ENOX1: variants seen among roughly 807,000 people sequenced by gnomAD.
ENOX1 encodes the protein candidate growth-related and time keeping constitutive hydroquinone (NADH) oxidase.
Under a neutral mutation model 82.5 loss-of-function variants are expected in ENOX1, and 42 were observed. The observed-to-expected ratio is 0.51, with a 90% confidence interval of 0.40 to 0.66. ENOX1 has a LOEUF of 0.66. ENOX1 is among the 30% of genes least tolerant of loss of function. The pLI, the probability that ENOX1 is intolerant of heterozygous loss-of-function variation, is 0.00. For synonymous variants in ENOX1, 271 were observed against 282.2 expected, an observed-to-expected ratio of 0.96 and a Z score of 0.40; for missense variants, 608 against 811.6, an observed-to-expected ratio of 0.75 and a Z score of 3.05.
intron 12 of ENOX1, among the ~76,000 whole-genome samples, chr13:43,295,021 T>G (rs1479081344): frequency 6.6e-6 from 1 of 152,222 alleles, no homozygotes. Flanking sequence ...TATATATTGA[T>G]TGTGGTAGTG....
At chr13:43,483,197 T>C (rs1185180179) in intron 3 of ENOX1, among the ~76,000 whole-genome samples, 1 of 152,218 alleles carries the variant, frequency 6.6e-6, no homozygotes, top group Non-Finnish European at 1.5e-5. Context: ...TCTCCTTTGC[T>C]CTTCATTTAG....
At chr13:43,428,246 T>C (rs2055442197) in intron 3 of ENOX1, among the ~76,000 whole-genome samples, 1 of 152,118 alleles carries the variant, frequency 6.6e-6, no homozygotes, top group Admixed American at 6.5e-5. Flanking sequence ...AGAATAATAA[T>C]TGTGTACTTA....
intron 1 of ENOX1, among the ~76,000 whole-genome samples, chr13:43,754,914 A>T (rs1484160985): frequency 6.6e-6 from 1 of 152,154 alleles, no homozygotes; most frequent in Admixed American, 6.6e-5. Flanking sequence ...GTATGCCTGT[A>T]TAACTAAATC....
chr13:43,560,701 G>C lies in ENOX1; in HGVS notation c.-218-76549C>G, dbSNP rs574228763. ...TGGCTTTGGTTTTGTTTTGGAATGA[G>C]GAGACAGTCTTCTAGAAAATAAGAC... On this transcript the variant is annotated intron_variant, in intron 2 of 16. Coordinates refer to ENST00000690772, the MANE Select transcript of ENOX1 (RefSeq NM_001347969.2). 2.0e-5 allele frequency among the ~76,000 whole-genome samples: 3 copies of C among 152,254 alleles called. No homozygotes were observed. The South Asian group carries it at 6.2e-4, about 32-fold the overall frequency.
At chr13:43,606,596 A>AT (rs2081983979) in intron 2 of ENOX1, among the ~76,000 whole-genome samples, 1 of 152,214 alleles carries the variant, frequency 6.6e-6, no homozygotes, top group Non-Finnish European at 1.5e-5. Flanking sequence ...TAAAAATTAA[A>AT]ACAATTGTAC....
intron 13 of ENOX1, among the ~76,000 whole-genome samples, chr13:43,269,157 C>A (rs897771748): frequency 3.9e-5 from 6 of 152,134 alleles, no homozygotes; most frequent in African/African-American, 1.4e-4. Context: ...AAGAGGAAAC[C>A]AGCTGCTTAC....
chr13:43,604,774 C>A (rs2081905657), intron 2 of ENOX1, among the ~76,000 whole-genome samples: 1 of 151,972 alleles, frequency 6.6e-6, no homozygotes, highest in Admixed American at 6.6e-5. Flanking sequence ...CTAGCCAAAG[C>A]AATCAGACAA....
At chr13:43,245,537 A>G (rs947381261) in intron 14 of ENOX1, among the ~76,000 whole-genome samples, 8 of 152,208 alleles carry the variant, frequency 5.3e-5, no homozygotes, top group African/African-American at 1.9e-4. Context: ...TCTTATGGGA[A>G]CATAAGAATG....
chr13:43,558,532 C>G (rs1033768610), intron 2 of ENOX1, among the ~76,000 whole-genome samples: 1 of 152,192 alleles, frequency 6.6e-6, no homozygotes, highest in Non-Finnish European at 1.5e-5. Flanking sequence ...CAGGAAAAGT[C>G]TAGCATTTCT....
intron 14 of ENOX1, among the ~76,000 whole-genome samples, chr13:43,240,900 A>G (rs2042792869): frequency 6.6e-6 from 1 of 152,216 alleles, no homozygotes; most frequent in African/African-American, 2.4e-5. Flanking sequence ...TGATATAAAA[A>G]AGGTAGATTC....
intron 14 of ENOX1, among the ~76,000 whole-genome samples, chr13:43,245,851 G>A (rs1240738651): frequency 6.6e-6 from 1 of 152,176 alleles, no homozygotes; most frequent in Non-Finnish European, 1.5e-5. Flanking sequence ...CACCTTATTG[G>A]GGTTCAATTG....
chr13:43,479,530 T>C (rs1428978698), intron 3 of ENOX1, among the ~76,000 whole-genome samples: 2 of 152,204 alleles, frequency 1.3e-5, no homozygotes, highest in Non-Finnish European at 2.9e-5. Context: ...TCTAATATTA[T>C]CTTTCCCTCA....
intron 11 of ENOX1, among the ~76,000 whole-genome samples, chr13:43,299,801 C>T (rs1003375198): frequency 6.6e-6 from 1 of 152,092 alleles, no homozygotes; most frequent in Non-Finnish European, 1.5e-5. Context: ...ATGTAACTTC[C>T]AGTAGATAAG....
At chr13:43,665,304 C>T (rs2084923707) in intron 2 of ENOX1, among the ~76,000 whole-genome samples, 1 of 152,150 alleles carries the variant, frequency 6.6e-6, no homozygotes, top group African/African-American at 2.4e-5. Flanking sequence ...TAAAGGGTTT[C>T]CCAAATAAGC....
intron 9 of ENOX1, among the ~76,000 whole-genome samples, chr13:43,328,029 T>C (rs1009028535): frequency 2.6e-5 from 4 of 152,196 alleles, no homozygotes; most frequent in Non-Finnish European, 5.9e-5. Context: ...TTTGACTCAA[T>C]TTTAACAGGA....
intron 2 of ENOX1, among the ~76,000 whole-genome samples, chr13:43,491,988 G>A (rs910788703): frequency 1.8e-4 from 27 of 152,234 alleles, no homozygotes; most frequent in African/African-American, 5.3e-4. Flanking sequence ...TGCTCACTAT[G>A]TTATATAGTG....
At chr13:43,401,983 A>G (rs1163995027) in intron 5 of ENOX1, among the ~76,000 whole-genome samples, 1 of 152,218 alleles carries the variant, frequency 6.6e-6, no homozygotes. Context: ...ACAACATAAA[A>G]TTCACAACGT....
intron 2 of ENOX1, among the ~76,000 whole-genome samples, chr13:43,602,969 T>C (rs1006414903): frequency 2.0e-5 from 3 of 152,158 alleles, no homozygotes; most frequent in South Asian, 2.1e-4. Flanking sequence ...CATCGAGTGC[T>C]GAACTTAATT....
intron 1 of ENOX1, among the ~76,000 whole-genome samples, chr13:43,746,649 A>G (rs7997792): frequency 0.078 from 11,927 of 152,190 alleles, 704 homozygotes; most frequent in African/African-American, 0.16. Context: ...GTTCTAAGAA[A>G]AAGTAACAGG....
Sources: gnomAD v4.1 joint callset for allele counts (sites outside exome capture counted in the v4.1 genomes callset) on GRCh38, gnomAD v4.1.1 for gene constraint, MANE v1.5 for transcripts, NCBI Gene and HGNC (gene_info 2026-07-23, HGNC 2026-07-21) for gene names.